Variants in NPR3 observed in about 807,000 individuals in gnomAD.
NPR3 encodes the protein atrial natriuretic peptide receptor 3.
Under a neutral mutation model 54.5 loss-of-function variants are expected in NPR3, and 34 were observed. That is an observed-to-expected ratio of 0.62 (90% CI 0.47 to 0.83). NPR3 has a LOEUF of 0.83. Among genes scored for constraint, NPR3 ranks in the 40% least tolerant of loss-of-function variants. The pLI is 0.00. For missense variants in NPR3, 674 were observed against 720.8 expected (o/e 0.94, Z 0.74); for synonymous variants, 289 against 297.1 (o/e 0.97, Z 0.28).
At chr5:32,760,524 A>T (rs1741110651) in intron 3 of NPR3, among the ~76,000 whole-genome samples, 1 of 152,116 alleles carries the variant, frequency 6.6e-6, no homozygotes, top group Admixed American at 6.6e-5. Flanking sequence ...TGCTTATTTA[A>T]AAATTAGCCT....
chr5:32,691,257 C>T (rs925127640), intron 1 of NPR3, among the ~76,000 whole-genome samples: 5 of 152,140 alleles, frequency 3.3e-5, no homozygotes, highest in African/African-American at 7.2e-5. Flanking sequence ...GCGGTTTTAG[C>T]GAGCACTTGT....
chr5:32,757,583 AC>A (rs1373930406), intron 3 of NPR3, among the ~76,000 whole-genome samples: 11 of 152,028 alleles, frequency 7.2e-5, no homozygotes, highest in Admixed American at 3.9e-4. Flanking sequence ...CTAATTGAAT[AC>A]CCTTTATTTC....
At chr5:32,714,487 C>G (rs1738443690) in intron 1 of NPR3, among the ~76,000 whole-genome samples, 1 of 148,194 alleles carries the variant, frequency 6.7e-6, no homozygotes, top group South Asian at 2.1e-4. Flanking sequence ...GCCTCATAGA[C>G]GTTCCGAAGT....
intron 1 of NPR3, among the ~76,000 whole-genome samples, chr5:32,719,501 A>G (rs999919430): frequency 1.8e-4 from 28 of 152,166 alleles, no homozygotes; most frequent in African/African-American, 4.8e-4. Context: ...TAACATTGCT[A>G]TTAGAAAGCT....
chr5:32,717,122 C>T (rs62369524), intron 1 of NPR3, among the ~76,000 whole-genome samples: 45,677 of 151,222 alleles, frequency 0.3, 7,296 homozygotes, highest in Non-Finnish European at 0.35. Flanking sequence ...TCTGTCCTTG[C>T]GATAGTTTGC....
Position 32,740,953 on chromosome 5 carries a change from C to T in NPR3, c.1059+1923C>T, listed in dbSNP as rs116330508. Reference sequence around the variant, plus strand: ...GAAATATGAAAGAACACAAAGGGTACTGAACTTCCTTCAGTAGTGCTGCTA... The same window carrying T: ...GAAATATGAAAGAACACAAAGGGTATTGAACTTCCTTCAGTAGTGCTGCTA... On this transcript the variant is annotated intron_variant, in intron 3 of 7. Transcript: ENST00000265074. Among the ~76,000 whole-genome samples, 447 of 152,102 alleles carry T rather than the reference C, an allele frequency of 2.9e-3. 1 individual carries two copies. The highest frequency in any genetic ancestry group is 0.01 in the African/African-American group (426 of 41,510).
Position 32,711,829 on chromosome 5 carries a change from C to T in NPR3, c.53C>T (p.Ala18Val). Reference protein sequence around the residue: ...TFSPCVLLGWALLAGGTGGGG... With the variant: ...TFSPCVLLGWVLLAGGTGGGG... ...TCCCCGTGCGTACTACTCGGCTGGG[C>T]GTTGCTGGCCGGCGGCACCGGTGGC... Residue 18 changes from alanine (A) to valine (V), a missense_variant, in exon 1 of 8, where the codon GCG becomes GTG. Ala to Val is a moderately conservative substitution (Grantham distance 64). Coordinates refer to ENST00000265074, the MANE Select transcript of NPR3 (RefSeq NM_001204375.2). 2.1e-6 allele frequency: 3 copies of T among 1,458,602 alleles called. No individual in the cohort carries two copies. Among genetic ancestry groups the T allele is most frequent in the Non-Finnish European group, 2.7e-6 (3 of 1,106,968 alleles). The allele number at this position is 1,458,602 out of a possible 1,614,324, so 90.4% of individuals were successfully genotyped here. A position where few individuals can be genotyped will look rare whatever the true frequency, so the allele number is the denominator to read the frequency against.
At chr5:32,697,026 T>C (rs1050999582) in intron 1 of NPR3, among the ~76,000 whole-genome samples, 1 of 152,116 alleles carries the variant, frequency 6.6e-6, no homozygotes, top group African/African-American at 2.4e-5. Flanking sequence ...GTACTATGTT[T>C]AATAACAGTG....
chr5:32,698,367 ATT>A (rs113493564), intron 1 of NPR3, among the ~76,000 whole-genome samples: 1 of 149,802 alleles, frequency 6.7e-6, no homozygotes. Context: ...ATATAATTTC[ATT>A]TTTTTTTTGA....
rs773013772 is a variant in NPR3, at chr5:32,784,832, T to C, written c.1463T>C (p.Val488Ala). ...GLEESAVTGI[V>A]VGALLGAGLL... ...GAAGAATCGGCAGTGACAGGAATTG[T>C]CGTGGGGGCTTTACTAGGAGCTGGC... The change falls in exon 7 of 8, where the codon GTC (valine) becomes GCC (alanine). Residue 488 changes from valine to alanine, a missense_variant. Physicochemically the swap from Val to Ala is moderately conservative, Grantham distance 64 (BLOSUM62 0). Transcript: ENST00000265074. The C allele has an allele frequency of 1.2e-6, 2 of 1,613,870 alleles. No individual in the cohort carries two copies. The highest frequency in any genetic ancestry group is 2.2e-5 in the East Asian group (1 of 44,862).
intron 3 of NPR3, among the ~76,000 whole-genome samples, chr5:32,768,123 C>T (rs779677080): frequency 6.6e-6 from 1 of 152,134 alleles, no homozygotes; most frequent in Admixed American, 6.5e-5. Context: ...ACCTCAACTT[C>T]GTGCCTTGAC....
intron 4 of NPR3, among the ~76,000 whole-genome samples, chr5:32,775,586 G>A (rs753971243): frequency 1.3e-5 from 2 of 151,812 alleles, no homozygotes; most frequent in African/African-American, 2.4e-5. Flanking sequence ...TTAAAATAGT[G>A]ACTGTTAGTT....
chr5:32,765,953 G>A (rs1311283876), intron 3 of NPR3, among the ~76,000 whole-genome samples: 1 of 152,226 alleles, frequency 6.6e-6, no homozygotes, highest in African/African-American at 2.4e-5. Context: ...AGGAGGAAAA[G>A]TTACCAGAGC....
intron 1 of NPR3, among the ~76,000 whole-genome samples, chr5:32,704,041 A>G (rs1241007387): frequency 1.3e-5 from 2 of 152,190 alleles, no homozygotes; most frequent in Non-Finnish European, 2.9e-5. Context: ...AACCACTAGG[A>G]TGGATGATTC....
rs1364802422 is a variant in NPR3, at chr5:32,712,022, C to A, written c.246C>A (p.Ser82Arg). ...VRPAIEYALR[S>R]VEGNGTGRRL... is the part of the protein sequence containing the mutation. ...CGGCCATCGAGTATGCTCTGCGCAG[C>A]GTGGAGGGCAACGGGACTGGGAGGC... The change falls in exon 1 of 8, where the codon AGC becomes AGA. Residue 82 changes from serine to arginine, a missense_variant. Coordinates refer to ENST00000265074, the MANE Select transcript of NPR3 (RefSeq NM_001204375.2). 4 of 1,613,578 alleles carry A rather than the reference C, an allele frequency of 2.5e-6. No individual in the cohort carries two copies. In the African/African-American group the frequency reaches 5.3e-5, roughly 22 times the overall value.
At chr5:32,753,613 G>T (rs1740686681) in intron 3 of NPR3, among the ~76,000 whole-genome samples, 1 of 145,758 alleles carries the variant, frequency 6.9e-6, no homozygotes, top group Non-Finnish European at 1.5e-5. Flanking sequence ...GCACCTCAGG[G>T]TCTCAGCATC....
chr5:32,775,798 A>G (rs940243399), intron 4 of NPR3, among the ~76,000 whole-genome samples: 2 of 152,096 alleles, frequency 1.3e-5, no homozygotes, highest in African/African-American at 2.4e-5. Flanking sequence ...GAGTTTCACC[A>G]TGTTGGTCAA....
chr5:32,721,104 A>G (rs1738835120), intron 1 of NPR3, among the ~76,000 whole-genome samples: 1 of 152,192 alleles, frequency 6.6e-6, no homozygotes, highest in Admixed American at 6.5e-5. Context: ...ATCTAGGATC[A>G]TGCACTCTGA....
At chr5:32,695,305 T>C (rs1026431035) in intron 1 of NPR3, among the ~76,000 whole-genome samples, 9 of 152,180 alleles carry the variant, frequency 5.9e-5, no homozygotes, top group Non-Finnish European at 1.2e-4. Flanking sequence ...CGCTCTGTCG[T>C]CCAGGCTGGA....
Sources: gnomAD v4.1 joint callset for allele counts (sites outside exome capture counted in the v4.1 genomes callset) on GRCh38, gnomAD v4.1.1 for gene constraint, MANE v1.5 for transcripts, NCBI Gene and HGNC (gene_info 2026-07-23, HGNC 2026-07-21) for gene names.